SSH3: variants seen among roughly 807,000 people sequenced by gnomAD.
The protein encoded by SSH3 is protein phosphatase Slingshot homolog 3.
Under a neutral mutation model 75.0 loss-of-function variants are expected in SSH3, and 67 were observed. The observed-to-expected ratio is 0.89, with a 90% CI of 0.73 to 1.10. SSH3 has a LOEUF of 1.10. Among genes scored for constraint, SSH3 ranks in the 50% least tolerant of loss-of-function variants. The probability of loss-of-function intolerance (pLI) is 0.00; values close to 1 mark genes in which losing one functional copy is unlikely to be tolerated. For synonymous variants in SSH3, 318 were observed against 349.2 expected, an observed-to-expected ratio of 0.91 and a Z score of 1.00; for missense variants, 824 against 872.7, an observed-to-expected ratio of 0.94 and a Z score of 0.70.
chr11:67,307,878 T>C lies in SSH3; in HGVS notation c.824T>C (p.Ile275Thr), dbSNP rs746337610. 6.2e-7 allele frequency: 1 copy of C among 1,614,194 alleles called. No individual in the cohort carries two copies. The highest frequency in any genetic ancestry group is 1.7e-5 in the Admixed American group (1 of 60,020). ...SSEQEQMEQA[I>T]RAELWKVLDV... ...GAACAGGAGCAGATGGAGCAGGCGA[T>C]CCGTGCTGAGCTGTGGAAAGTGTTG... Residue 275 changes from isoleucine (I) to threonine (T), a missense_variant, in exon 8 of 14, where the codon ATC (isoleucine) becomes ACC (threonine). Ile to Thr is a moderately conservative substitution (Grantham distance 89). Transcript: ENST00000308127. This position sits in a 1 kb window ranked among gnomAD's most constrained non-coding sequence, Gnocchi z 4.2.
At position 67,309,896 on chromosome 11, in the gene SSH3, T is replaced by TC. The variant is rs1260460590; in HGVS notation, c.1339dup (p.Arg447ProfsTer46). On this transcript the variant is annotated frameshift_variant, in exon 12 of 14. Transcript: ENST00000308127. ...CAGGCCCTGCGCCACGTGCAGGAGC[T>TC]CCGGCCCATCGCCCGCCCCAACCCT... 6.2e-7 allele frequency: 1 copy of TC among 1,611,778 alleles called. No homozygotes were observed. The highest frequency in any genetic ancestry group is 2.2e-5 in the East Asian group (1 of 44,886).
rs776965301 is a variant in SSH3, at chr11:67,309,808, G to A, written c.1249G>A (p.Val417Ile). The change falls in exon 12 of 14, where the codon GTC (valine) becomes ATC (isoleucine). Residue 417 changes from valine to isoleucine, a missense_variant. By Grantham distance (29) the Val-to-Ile change is conservative. Transcript: ENST00000308127. Reference protein sequence around the residue: ...THVLVHCKMGVSRSAATVLAY... With the variant: ...THVLVHCKMGISRSAATVLAY... Reference sequence around the variant, plus strand: ...CGTGCTGGTCCACTGCAAGATGGGCGTCAGCCGCTCAGCGGCCACAGTGCT... The same window carrying A: ...CGTGCTGGTCCACTGCAAGATGGGCATCAGCCGCTCAGCGGCCACAGTGCT... 31 of 1,613,174 alleles carry A rather than the reference G, an allele frequency of 1.9e-5. No homozygotes were observed. Among genetic ancestry groups the A allele is most frequent in the African/African-American group, 1.9e-4 (14 of 74,958 alleles).
rs558591650 is a variant in SSH3, at chr11:67,311,540, C to A, written c.1684-51C>A. On this transcript the variant is annotated intron_variant, in intron 13 of 13. Coordinates refer to ENST00000308127, the MANE Select transcript of SSH3 (RefSeq NM_017857.4). ...TCTTCCCGGCTCTGTGCTTGGGCAC[C>A]CCTGCCCCAGAAAGGCCTCCCATGG... The A allele has an allele frequency of 4.1e-5, 66 of 1,605,880 alleles. 2 individuals are homozygous for A. In the South Asian group the frequency reaches 5.6e-4, roughly 14 times the overall value.
rs1055483357 is a variant in SSH3 at position 67,311,633 on chromosome 11, C to T, written c.1726C>T (p.Pro576Ser). The T allele has an allele frequency of 6.8e-6, 11 of 1,614,030 alleles. No individual in the cohort carries two copies. The African/African-American group carries it at 1.5e-4, about 22-fold the overall frequency. The change falls in exon 14 of 14, where the codon CCC (proline) becomes TCC (serine). Residue 576 changes from proline to serine, a missense_variant. Pro to Ser is a moderately conservative substitution (Grantham distance 74, BLOSUM62 -1). Transcript: ENST00000308127. ...GTCTTCACATGAAGAGCCTCTGCAG[C>T]CCTTCCCACAGCTTGCAAGGACCAA... ...HESSHEEPLQ[P>S]FPQLARTKGG...
In SSH3 at chr11:67,310,242, G is replaced by C. The variant is rs1014423729; in HGVS notation, c.1586G>C (p.Arg529Pro). Residue 529 changes from arginine (R) to proline (P), a missense_variant, in exon 13 of 14, where the codon CGG becomes CCG. Arg to Pro is a moderately radical substitution (Grantham distance 103). Transcript: ENST00000308127. ...GCCCCGAAAGAAGAGCCTGGGCCAC[G>C]GCCACGTATAAACCTCCGAGGGGTC... ...QAAPKEEPGP[R>P]PRINLRGVMR... The C allele has an allele frequency of 1.9e-6, 3 of 1,614,204 alleles. No homozygotes were observed. The highest frequency in any genetic ancestry group is 8.5e-7 in the Non-Finnish European group (1 of 1,180,040).
Position 67,308,080 on chromosome 11 carries a change from G to T in SSH3, c.886-94G>T, listed in dbSNP as rs145241385. On this transcript the variant is annotated intron_variant, in intron 8 of 13. Transcript: ENST00000308127. This position sits in a 1 kb window ranked among gnomAD's most constrained non-coding sequence, Gnocchi z 4.9. The stretch of plus-strand genomic sequence containing the variant: ...GCCTTGGCCCTAATCCATCTAGATG[G>T]GATAGGGTGCTGTCCTCAGAGGTCC... 1.9e-6 allele frequency: 3 copies of T among 1,587,688 alleles called. No homozygotes were observed. The African/African-American group carries it at 4.0e-5, about 21-fold the overall frequency.
At chr11:67,311,537 CA>C (rs1448970950) in intron 13 of SSH3, 53 bp from the exon 14 acceptor site, 1 of 1,602,290 alleles carries the variant, frequency 6.2e-7, no homozygotes, top group Admixed American at 1.7e-5. Flanking sequence ...TGTGCTTGGG[CA>C]CCCCTGCCCC....
In SSH3 at chr11:67,311,452, C is replaced by G. The variant is rs75351410; in HGVS notation, c.1684-139C>G. 5,318 of 1,110,564 alleles carry G rather than the reference C, an allele frequency of 4.8e-3. 26 individuals are homozygous for G. The highest frequency in any genetic ancestry group is 6.1e-3 in the Non-Finnish European group (4,653 of 761,266). The allele number at this position is 1,110,564 out of a possible 1,614,324, so 68.8% of individuals were successfully genotyped here. On this transcript the variant is annotated intron_variant, in intron 13 of 13. Transcript: ENST00000308127. Reference sequence around the variant, plus strand: ...TGTGGACAGCTTGGCTTTTGGCGTGCGTGCCACAAACATTCCGGCCCTCGC... The same window carrying G: ...TGTGGACAGCTTGGCTTTTGGCGTGGGTGCCACAAACATTCCGGCCCTCGC...
rs1429529716 is a variant in SSH3 at position 67,310,148 on chromosome 11, C to A, written c.1492C>A (p.Pro498Thr). 3 of 1,614,128 alleles carry A rather than the reference C, an allele frequency of 1.9e-6. No homozygotes were observed. The highest frequency in any genetic ancestry group is 1.7e-6 in the Non-Finnish European group (2 of 1,180,052). The change falls in exon 13 of 14, where the codon CCA (proline) becomes ACA (threonine). Residue 498 changes from proline to threonine, a missense_variant. Pro to Thr is a conservative substitution (Grantham distance 38). Transcript: ENST00000308127. ...HPAPEVSTPFPPLPPEPEGGG... is the reference protein window; with the variant it reads ...HPAPEVSTPFTPLPPEPEGGG... Reference sequence around the variant, plus strand: ...AGCCCCTGAAGTCTCTACACCATTCCCACCTCTTCCGCCAGAACCTGAGGG... The same window carrying A: ...AGCCCCTGAAGTCTCTACACCATTCACACCTCTTCCGCCAGAACCTGAGGG...
At chr11:67,309,603 C>T (rs1861352866) in intron 11 of SSH3, 60 bp downstream of exon 11, 7 of 1,592,144 alleles carry the variant, frequency 4.4e-6, no homozygotes, top group South Asian at 3.4e-5. Flanking sequence ...CCGGTGCCCT[C>T]CTCCTGCCCA....
At position 67,312,037 on chromosome 11, in the gene SSH3, C is replaced by A; in HGVS notation, c.*150C>A. Reference sequence around the variant, plus strand: ...CACCTCCCACCCCTGTCACTACGGCCTCACCTCCCACCCCTGTCACTACAG... The same window carrying A: ...CACCTCCCACCCCTGTCACTACGGCATCACCTCCCACCCCTGTCACTACAG... On this transcript the variant is annotated 3_prime_UTR_variant, in exon 14 of 14. Coordinates refer to ENST00000308127, the MANE Select transcript of SSH3 (RefSeq NM_017857.4). 9.5e-7 allele frequency: 1 copy of A among 1,051,966 alleles called. No homozygotes were observed. Among genetic ancestry groups the A allele is most frequent in the Non-Finnish European group, 1.3e-6 (1 of 747,958 alleles). The allele number at this position is 1,051,966 out of a possible 1,614,324, so 65.2% of individuals were successfully genotyped here.
In SSH3 at chr11:67,311,923, G is replaced by A. The variant is rs1175276200; in HGVS notation, c.*36G>A. 1 of 1,599,280 alleles carries A rather than the reference G, an allele frequency of 6.3e-7. No individual in the cohort carries two copies. Among genetic ancestry groups the A allele is most frequent in the East Asian group, 2.2e-5 (1 of 44,842 alleles). On this transcript the variant is annotated 3_prime_UTR_variant, in exon 14 of 14. Coordinates refer to ENST00000308127, the MANE Select transcript of SSH3 (RefSeq NM_017857.4). ...ATGCCCACGCTCCCCTGACACTGAAGAGGATCCACAACTCCTTGGAGAAAC... is the reference window on the plus strand; with the variant it reads ...ATGCCCACGCTCCCCTGACACTGAAAAGGATCCACAACTCCTTGGAGAAAC...
In SSH3 at chr11:67,306,859, C is replaced by A; in HGVS notation, c.361C>A (p.Arg121=). 1 of 1,612,358 alleles carries A rather than the reference C, an allele frequency of 6.2e-7. No individual in the cohort carries two copies. Among genetic ancestry groups the A allele is most frequent in the Non-Finnish European group, 8.5e-7 (1 of 1,179,020 alleles). Residue 121 remains arginine (R), a synonymous_variant, in exon 4 of 14, where the codon CGG becomes AGG. Coordinates refer to ENST00000308127, the MANE Select transcript of SSH3 (RefSeq NM_017857.4). The part of the protein sequence containing the change: ...IRLAAQLEAP[R]PPRLRYLLVV... ...CCAGGCAGCCCAGCTGGAGGCACCC[C>A]GGCCTCCCCGGCTCCGCTACCTGCT...
In SSH3 at chr11:67,311,752, G is replaced by T; in HGVS notation, c.1845G>T (p.Arg615=). ...TLQGSAVVAN[R]TQAFQEQEQG... is the part of the protein sequence containing the mutation. Reference sequence around the variant, plus strand: ...AGGGCAGTGCCGTGGTGGCCAACCGGACCCAGGCCTTCCAGGAGCAGGAGC... The same window carrying T: ...AGGGCAGTGCCGTGGTGGCCAACCGTACCCAGGCCTTCCAGGAGCAGGAGC... Residue 615 remains arginine, a synonymous_variant, in exon 14 of 14, where the codon CGG becomes CGT. Transcript: ENST00000308127. 11 of 1,614,016 alleles carry T rather than the reference G, an allele frequency of 6.8e-6. No homozygotes were observed. Among genetic ancestry groups the T allele is most frequent in the Non-Finnish European group, 9.3e-6 (11 of 1,179,990 alleles).
intron 13 of SSH3, among the ~76,000 whole-genome samples, chr11:67,311,240 G>A (rs1252937128): frequency 3.9e-5 from 6 of 152,198 alleles, no homozygotes; most frequent in South Asian, 4.1e-4. Context: ...GTGCCGGCAC[G>A]GGTTTCACCT....
At chr11:67,310,003 G>GCT (rs1305479149) in intron 12 of SSH3, 35 bp downstream of exon 12, 1 of 1,609,326 alleles carries the variant, frequency 6.2e-7, no homozygotes, top group East Asian at 2.2e-5. Context: ...GGGGTGAGTA[G>GCT]GTGGGTTTGC....
At chr11:67,309,699 G>A in intron 11 of SSH3, 69 bp from the exon 12 acceptor site, 5 of 1,596,132 alleles carry the variant, frequency 3.1e-6, no homozygotes, top group Non-Finnish European at 4.3e-6. Context: ...CCCTTCACCT[G>A]CCCTCCCCTG....
intron 2 of SSH3, 58 bp from the exon 3 acceptor site, chr11:67,304,715 G>A: frequency 2.6e-6 from 4 of 1,517,020 alleles, no homozygotes; most frequent in Non-Finnish European, 2.7e-6. Flanking sequence ...GCTAGACTTT[G>A]AGAGCCCCTA....
Position 67,306,793 on chromosome 11 carries a change from G to A in SSH3, c.340-45G>A, listed in dbSNP as rs199950214. The A allele has an allele frequency of 1.1e-3, 1,779 of 1,567,200 alleles. 18 individuals carry two copies. In the African/African-American group the frequency reaches 0.018, roughly 16 times the overall value. ...CCTGGGGTGTCTAGGTGGGGAGCAGGGTCCTTGGGGCCACTGTGACCCTGG... is the reference window on the plus strand; with the variant it reads ...CCTGGGGTGTCTAGGTGGGGAGCAGAGTCCTTGGGGCCACTGTGACCCTGG... On this transcript the variant is annotated intron_variant, in intron 3 of 13. Transcript: ENST00000308127.
Sources: allele counts gnomAD v4.1 joint callset (sites outside exome capture counted in the v4.1 genomes callset), GRCh38; gene constraint gnomAD v4.1.1; non-coding constraint Gnocchi (gnomAD v3.1); transcripts MANE v1.5; gene names NCBI Gene and HGNC (gene_info 2026-07-23, HGNC 2026-07-21).